The following TTC13 variants were observed in gnomAD, a reference collection of about 807,000 sequenced individuals.
TTC13 encodes tetratricopeptide repeat domain 13, also known as tetratricopeptide repeat protein 13.
TTC13 carries 62 observed loss-of-function variants against 120.0 expected under a neutral mutation model. The ratio of observed to expected loss-of-function variants is 0.52; its 90% CI spans 0.42 to 0.64. The LOEUF is 0.64. Among genes scored for constraint, TTC13 ranks in the 30% least tolerant of loss-of-function variants. TTC13 has a pLI of 0.00. For missense variants in TTC13, 824 were observed against 1,050.2 expected (o/e 0.78, Z 2.98); for synonymous variants, 384 against 393.5 (o/e 0.98, Z 0.28).
At chr1:230,968,215 TA>T (rs36025426) in intron 1 of TTC13, among the ~76,000 whole-genome samples, 24,031 of 143,508 alleles carry the variant, frequency 0.17, 2,433 homozygotes, top group Non-Finnish European at 0.23. Context: ...TTATTGTGGT[TA>T]AAAAAAAAAC....
chr1:230,920,464 T>G lies in TTC13; in HGVS notation c.1983+46A>C, dbSNP rs746729356. 7 of 1,400,568 alleles carry G rather than the reference T, an allele frequency of 5.0e-6. No homozygotes were observed. The African/African-American group carries it at 9.9e-5, about 20-fold the overall frequency. The allele number at this position is 1,400,568 out of a possible 1,614,324, so 86.8% of individuals were successfully genotyped here. A position where few individuals can be genotyped will look rare whatever the true frequency, so the allele number is the denominator to read the frequency against. ...CTTTTTAAAAAAGTGCTGTTGGTTT[T>G]CTTTTCCTCTAAAAACATGGACTGC... is the stretch of plus-strand genomic sequence containing the variant. On this transcript the variant is annotated intron_variant, in intron 17 of 22. Coordinates refer to ENST00000366661, the MANE Select transcript of TTC13 (RefSeq NM_024525.5).
rs1229376002 is a variant in TTC13, at chr1:230,978,847, T to G, written c.-17A>C. ...AGGTGCCATCTTCCCTCAAGGCGCA[T>G]GCGCGACAGCCCTTGCCCGGCTCTC... On this transcript the variant is annotated 5_prime_UTR_variant, in exon 1 of 23. The change abolishes an upstream ATG in the 5' untranslated region. Coordinates refer to ENST00000366661, the MANE Select transcript of TTC13 (RefSeq NM_024525.5). This position sits in a 1 kb window ranked among gnomAD's most constrained non-coding sequence, Gnocchi z 5.6. 8 of 1,460,202 alleles carry G rather than the reference T, an allele frequency of 5.5e-6. No homozygotes were observed. The highest frequency in any genetic ancestry group is 7.2e-6 in the Non-Finnish European group (8 of 1,116,422). The allele number at this position is 1,460,202 out of a possible 1,614,324, so 90.5% of individuals were successfully genotyped here.
At position 230,939,433 on chromosome 1, in the gene TTC13, C is replaced by G. The variant is rs1419983029; in HGVS notation, c.853G>C (p.Ala285Pro). The G allele has an allele frequency of 1.9e-6, 3 of 1,613,192 alleles. No homozygotes were observed. In the Admixed American group the frequency reaches 5.0e-5, roughly 27 times the overall value. ...SLELNKNQPI[A>P]MLYKGLTFFH... ...AAAGTTAAACCTTTGTATAGCATAG[C>G]TATAGGCTGGTTTTTGTTCAGTTCT... is the stretch of plus-strand genomic sequence containing the variant. The change falls in exon 8 of 23, where the codon GCT becomes CCT. Residue 285 changes from alanine to proline, a missense_variant. Around this residue, in one of 4 missense-constraint regions of TTC13, gnomAD observed 430 missense variants for 626.8 expected, o/e 0.69. Transcript: ENST00000366661.
rs115729957 is a variant in TTC13, at chr1:230,939,037, A to C, written c.900+349T>G. 7.4e-3 allele frequency among the ~76,000 whole-genome samples: 1,130 copies of C among 152,294 alleles called. 11 individuals are homozygous for C. Among genetic ancestry groups the C allele is most frequent in the African/African-American group, 0.026 (1,060 of 41,560 alleles). On this transcript the variant is annotated intron_variant, in intron 8 of 22. Transcript: ENST00000366661. ...CTACTCAGTCTTCCAGCTCCAGGAC[A>C]AAGTCCACCTGTTCTTTGGAACTTT...
intron 3 of TTC13, 114 bp downstream of exon 3, chr1:230,958,110 G>T: frequency 3.1e-6 from 3 of 966,918 alleles, no homozygotes; most frequent in Non-Finnish European, 4.6e-6. Flanking sequence ...AGATCAAACA[G>T]CTCAAATTGG....
intron 20 of TTC13, among the ~76,000 whole-genome samples, chr1:230,910,052 A>G (rs995806618): frequency 1.3e-5 from 2 of 152,210 alleles, no homozygotes; most frequent in Non-Finnish European, 2.9e-5. Flanking sequence ...GGCTCAAAAT[A>G]AAGACAGCTC....
chr1:230,914,251 C>T (rs996027987), intron 18 of TTC13, among the ~76,000 whole-genome samples: 4 of 152,050 alleles, frequency 2.6e-5, no homozygotes, highest in African/African-American at 9.7e-5. Context: ...GATTTTCTTC[C>T]ACCTCTGCCA....
chr1:230,909,110 T>C lies in TTC13; in HGVS notation c.2310-90A>G. ...ACCATGGACTTCCCATCATGAAAGA[T>C]AAAATTTATTCAAAAATTCTTTCAA... On this transcript the variant is annotated intron_variant, in intron 20 of 22. Coordinates refer to ENST00000366661, the MANE Select transcript of TTC13 (RefSeq NM_024525.5). 7.4e-6 allele frequency: 8 copies of C among 1,084,084 alleles called. No homozygotes were observed. The South Asian group carries it at 1.1e-4, about 15-fold the overall frequency. The allele number at this position is 1,084,084 out of a possible 1,614,324, so 67.2% of individuals were successfully genotyped here. A position where few individuals can be genotyped will look rare whatever the true frequency, so the allele number is the denominator to read the frequency against.
At position 230,931,799 on chromosome 1, in the gene TTC13, G is replaced by A; in HGVS notation, c.1062C>T (p.Leu354=). ...GGTAGAGCATCATTCCCCGGAGCTG[G>A]AGGGTTTGCACATGATTTTGGTTGA... The part of the protein sequence containing the change: ...LLLNQNHVQT[L]QLRGMMLYHH... The change falls in exon 10 of 23, where the codon CTC becomes CTT. Residue 354 remains leucine (L), a synonymous_variant. Transcript: ENST00000366661. 1 of 1,614,146 alleles carries A rather than the reference G, an allele frequency of 6.2e-7. No individual in the cohort carries two copies. The highest frequency in any genetic ancestry group is 8.5e-7 in the Non-Finnish European group (1 of 1,180,024).
chr1:230,952,242 T>C (rs1675665577), intron 4 of TTC13, among the ~76,000 whole-genome samples: 1 of 152,152 alleles, frequency 6.6e-6, no homozygotes, highest in Non-Finnish European at 1.5e-5. Flanking sequence ...TGCCTCCAAA[T>C]TATTCTTGTT....
At chr1:230,972,636 C>A (rs1677883520) in intron 1 of TTC13, among the ~76,000 whole-genome samples, 1 of 152,188 alleles carries the variant, frequency 6.6e-6, no homozygotes, top group African/African-American at 2.4e-5. Context: ...GACTTTCCTA[C>A]AGTCATGCTC....
Position 230,978,589 on chromosome 1 carries a change from C to G in TTC13, c.242G>C (p.Trp81Ser). ...GCACTCGGCAGAGTACTGGTCCCCC[C>G]AGTCCCCGGACTGCGGGCTGCAGCC... ...GGGCSPQSGD[W>S]GDQYSAECGE... The change falls in exon 1 of 23, where the codon TGG becomes TCG. Residue 81 changes from tryptophan (W) to serine (S), a missense_variant. Around this residue, in one of 4 missense-constraint regions of TTC13, gnomAD observed 160 missense variants for 137.2 expected, o/e 1.17. Coordinates refer to ENST00000366661, the MANE Select transcript of TTC13 (RefSeq NM_024525.5). This position sits in a 1 kb window ranked among gnomAD's most constrained non-coding sequence, Gnocchi z 5.6. The G allele has an allele frequency of 7.3e-7, 1 of 1,373,772 alleles. No individual in the cohort carries two copies. Among genetic ancestry groups the G allele is most frequent in the Non-Finnish European group, 9.7e-7 (1 of 1,035,262 alleles). The allele number at this position is 1,373,772 out of a possible 1,614,324, so 85.1% of individuals were successfully genotyped here.
Position 230,929,046 on chromosome 1 carries a change from A to G in TTC13, c.1348T>C (p.Tyr450His), listed in dbSNP as rs1673298886. The stretch of plus-strand genomic sequence containing the variant: ...CCAGGCAGATCCACATCAATGTTAT[A>G]TTCCGTAAGGGGGGTATCAAGGTGT... ...HAHLDTPLTE[Y>H]NIDVDLPGSF... Residue 450 changes from tyrosine to histidine, a missense_variant, in exon 12 of 23, where the codon TAT becomes CAT. Tyr to His is a moderately conservative substitution (Grantham distance 83, BLOSUM62 2). Around this residue, in one of 4 missense-constraint regions of TTC13, gnomAD observed 430 missense variants for 626.8 expected, o/e 0.69. Coordinates refer to ENST00000366661, the MANE Select transcript of TTC13 (RefSeq NM_024525.5). 6.2e-7 allele frequency: 1 copy of G among 1,614,072 alleles called. No homozygotes were observed. The highest frequency in any genetic ancestry group is 1.1e-5 in the South Asian group (1 of 91,090).
intron 17 of TTC13, among the ~76,000 whole-genome samples, chr1:230,918,115 T>G (rs1443748373): frequency 6.6e-6 from 1 of 152,360 alleles, no homozygotes; most frequent in East Asian, 1.9e-4. Context: ...TGTTTATCAT[T>G]TAATCAATAT....
chr1:230,911,562 GAT>G lies in TTC13; in HGVS notation c.2230-15_2230-14del, dbSNP rs754988358. The G allele has an allele frequency of 2.7e-6, 4 of 1,473,504 alleles. No homozygotes were observed. The highest frequency in any genetic ancestry group is 2.4e-5 in the East Asian group (1 of 41,988). 91.3% of individuals were successfully genotyped at this position (1,473,504 alleles called of 1,614,324 possible). Reference sequence around the variant, plus strand: ...CAGCATCAGCCTCCTAGAAAAAAAAGATACAGACTCATAAATACTATAAAGAT... The same window carrying G: ...CAGCATCAGCCTCCTAGAAAAAAAAGACAGACTCATAAATACTATAAAGAT... On this transcript the variant is annotated splice_polypyrimidine_tract_variant and intron_variant, in intron 19 of 22. Transcript: ENST00000366661.
At chr1:230,946,449 C>T (rs547193296) in intron 4 of TTC13, among the ~76,000 whole-genome samples, 5 of 152,096 alleles carry the variant, frequency 3.3e-5, no homozygotes, top group Non-Finnish European at 5.9e-5. Context: ...GAAGATAACA[C>T]GCATTTAAAT....
At chr1:230,924,785 G>C in intron 14 of TTC13, 56 bp downstream of exon 14, 1 of 1,602,688 alleles carries the variant, frequency 6.2e-7, no homozygotes, top group Admixed American at 1.7e-5. Flanking sequence ...AAAACAGACT[G>C]ACGTTATTTG....
intron 3 of TTC13, chr1:230,956,456 A>C (rs1214046464): frequency 7.7e-6 from 2 of 258,934 alleles, no homozygotes; most frequent in Admixed American, 5.4e-5. Flanking sequence ...GTCACTTCTC[A>C]TAACTGTCTG....
intron 17 of TTC13, among the ~76,000 whole-genome samples, chr1:230,919,011 A>C (rs566674012): frequency 6.6e-6 from 1 of 152,176 alleles, no homozygotes; most frequent in Non-Finnish European, 1.5e-5. Flanking sequence ...AGGTTCACAC[A>C]GTTATAATTC....
Sources: gnomAD v4.1 joint callset for allele counts (sites outside exome capture counted in the v4.1 genomes callset) on GRCh38, gnomAD v4.1.1 for gene constraint, gnomAD v4.1.1 regional missense constraint, Gnocchi (gnomAD v3.1) non-coding constraint, MANE v1.5 for transcripts, NCBI Gene and HGNC (gene_info 2026-07-23, HGNC 2026-07-21) for gene names.